LINGO2: variants seen among roughly 807,000 people sequenced by gnomAD.
The protein encoded by LINGO2 is leucine-rich repeat and immunoglobulin-like domain-containing nogo receptor-interacting protein 2.
A neutral mutation model predicts 30.6 loss-of-function variants in LINGO2; 14 were observed. The observed-to-expected ratio is 0.46, with a 90% CI of 0.30 to 0.72. The LOEUF is 0.72. LINGO2 is among the 30% of genes least tolerant of loss of function. LINGO2 has a pLI of 0.07. For missense variants in LINGO2, 729 were observed against 751.7 expected (o/e 0.97, Z 0.35); for synonymous variants, 317 against 288.5 (o/e 1.10, Z -1.00).
At chr9:28,219,735 T>C (rs1820892408) in intron 4 of LINGO2, among the ~76,000 whole-genome samples, 1 of 152,198 alleles carries the variant, frequency 6.6e-6, no homozygotes, top group South Asian at 2.1e-4. Context: ...ATTTACAAAG[T>C]ATGTTCTATT....
At chr9:28,993,296 C>G in the LINGO2 span, among the ~76,000 whole-genome samples, 1 of 152,134 alleles carries the variant, frequency 6.6e-6, no homozygotes, top group Non-Finnish European at 1.5e-5. Context: ...GACACATACA[C>G]CCTCCCAAGA....
chr9:28,761,126 G>A, the LINGO2 span, among the ~76,000 whole-genome samples: 2 of 151,832 alleles, frequency 1.3e-5, no homozygotes, highest in South Asian at 4.1e-4. Context: ...TAGATACCCA[G>A]TAGTGGGATT....
the LINGO2 span, among the ~76,000 whole-genome samples, chr9:29,206,848 C>T: frequency 6.6e-6 from 1 of 151,970 alleles, no homozygotes; most frequent in Non-Finnish European, 1.5e-5. Flanking sequence ...TAAATATTTG[C>T]ATATTAATTG....
chr9:28,195,174 C>G (rs72726930), intron 4 of LINGO2, among the ~76,000 whole-genome samples: 21,524 of 151,764 alleles, frequency 0.14, 1,642 homozygotes, highest in African/African-American at 0.2. Context: ...TAGACAGTAA[C>G]AGTGGACACC....
chr9:28,579,269 C>T (rs768295670), intron 1 of LINGO2, among the ~76,000 whole-genome samples: 5 of 152,006 alleles, frequency 3.3e-5, no homozygotes, highest in African/African-American at 7.2e-5. Context: ...TGTCCTTAGT[C>T]TCTTAGCCCA....
At chr9:28,660,884 T>G (rs1404216223) in intron 1 of LINGO2, among the ~76,000 whole-genome samples, 1 of 152,156 alleles carries the variant, frequency 6.6e-6, no homozygotes, top group Non-Finnish European at 1.5e-5. Flanking sequence ...TTCTGTCATC[T>G]TGAGAAGGAG....
intron 4 of LINGO2, among the ~76,000 whole-genome samples, chr9:28,123,812 C>T (rs914374337): frequency 3.4e-4 from 51 of 151,778 alleles, no homozygotes; most frequent in African/African-American, 1.1e-3. Flanking sequence ...TACAGGCACC[C>T]GCCACCACTC....
the LINGO2 span, among the ~76,000 whole-genome samples, chr9:28,975,339 A>G: frequency 3.3e-5 from 5 of 152,218 alleles, no homozygotes; most frequent in Non-Finnish European, 5.9e-5. Flanking sequence ...CTGATGACCT[A>G]TGAACCTCAA....
chr9:28,168,993 A>G (rs1828509180), intron 4 of LINGO2, among the ~76,000 whole-genome samples: 1 of 152,180 alleles, frequency 6.6e-6, no homozygotes, highest in East Asian at 1.9e-4. Context: ...TAACTGCTTG[A>G]TATATCTTAT....
chr9:29,213,288 C>A, the LINGO2 span, among the ~76,000 whole-genome samples: 1 of 152,284 alleles, frequency 6.6e-6, no homozygotes, highest in South Asian at 2.1e-4. Flanking sequence ...CTCGATAATG[C>A]CCCTCCCCCC....
the LINGO2 span, among the ~76,000 whole-genome samples, chr9:28,798,246 T>C: frequency 2.0e-5 from 3 of 147,082 alleles, no homozygotes; most frequent in Non-Finnish European, 4.5e-5. Context: ...AATAATAGCA[T>C]GTTGCAAGTC....
intron 1 of LINGO2, among the ~76,000 whole-genome samples, chr9:28,539,794 T>C (rs1034176175): frequency 4.3e-4 from 65 of 152,188 alleles, no homozygotes; most frequent in Non-Finnish European, 5.9e-5. Flanking sequence ...TGTGATCATG[T>C]TGCTGTCTCC....
At chr9:28,848,258 ATAGTGTATATATACTATATATACAC>A in the LINGO2 span, among the ~76,000 whole-genome samples, 18 of 103,240 alleles carry the variant, frequency 1.7e-4, no homozygotes, top group African/African-American at 6.9e-4. Flanking sequence ...ATACGCATAT[ATAGTGTATATATACTATATATACAC>A]TATGCATATA....
chr9:28,519,298 G>A (rs977937541), intron 1 of LINGO2, among the ~76,000 whole-genome samples: 13 of 152,060 alleles, frequency 8.5e-5, no homozygotes, highest in African/African-American at 3.1e-4. Flanking sequence ...GACTCCCAAA[G>A]TGCTGGGATT....
the LINGO2 span, among the ~76,000 whole-genome samples, chr9:29,169,383 T>C: frequency 9.2e-5 from 14 of 152,132 alleles, no homozygotes; most frequent in South Asian, 4.2e-4. Context: ...TCAATACATC[T>C]GACAAAAGGC....
At chr9:28,461,558 C>A (rs1404391213) in intron 2 of LINGO2, among the ~76,000 whole-genome samples, 1 of 152,094 alleles carries the variant, frequency 6.6e-6, no homozygotes, top group Admixed American at 6.6e-5. Flanking sequence ...TAAACAATTG[C>A]TCTAATGAGT....
chr9:28,151,756 T>G (rs1258996920), intron 4 of LINGO2, among the ~76,000 whole-genome samples: 1 of 151,978 alleles, frequency 6.6e-6, no homozygotes, highest in Non-Finnish European at 1.5e-5. Context: ...AAAAATTTAC[T>G]GAAATAATCC....
intron 1 of LINGO2, among the ~76,000 whole-genome samples, chr9:28,593,077 AG>A (rs774732006): frequency 3.3e-4 from 50 of 152,112 alleles, no homozygotes; most frequent in Admixed American, 7.2e-4. Context: ...TTCCTGCTTT[AG>A]GTGTGAACTC....
the LINGO2 span, among the ~76,000 whole-genome samples, chr9:28,957,555 G>A: frequency 0.74 from 112,605 of 152,070 alleles, 41,921 homozygotes; most frequent in Middle Eastern, 0.77. Flanking sequence ...AGGCTTCACA[G>A]TTCCAGGTGG....
Sources: allele counts gnomAD v4.1 joint callset (sites outside exome capture counted in the v4.1 genomes callset), GRCh38; gene constraint gnomAD v4.1.1; transcripts MANE v1.5; gene names NCBI Gene and HGNC (gene_info 2026-07-23, HGNC 2026-07-21).